The following P4HA1 variants were observed in gnomAD, a reference collection of about 807,000 sequenced individuals.
P4HA1 encodes prolyl 4-hydroxylase subunit alpha-1.
P4HA1 carries 24 observed loss-of-function variants against 72.8 expected under a neutral mutation model. That is an observed-to-expected ratio of 0.33 (90% CI 0.24 to 0.46). The LOEUF (loss-of-function observed/expected upper bound fraction) is 0.46, where lower values mean the gene tolerates loss of function less well. Among genes scored for constraint, P4HA1 ranks in the 20% least tolerant of loss-of-function variants. The pLI, the probability that P4HA1 is intolerant of heterozygous loss-of-function variation, is 1.00. For missense variants in P4HA1, 446 were observed against 640.6 expected (o/e 0.70, Z 3.28); for synonymous variants, 201 against 218.8 (o/e 0.92, Z 0.72).
At chr10:73,041,150 T>C (rs572399904) in intron 9 of P4HA1, among the ~76,000 whole-genome samples, 26 of 152,300 alleles carry the variant, frequency 1.7e-4, no homozygotes, top group African/African-American at 6.3e-4. Context: ...TGTCTTCTAA[T>C]GGGGTTCAGG....
At chr10:73,041,731 T>TC (rs1209467956) in intron 9 of P4HA1, among the ~76,000 whole-genome samples, 1 of 152,060 alleles carries the variant, frequency 6.6e-6, no homozygotes, top group African/African-American at 2.4e-5. Context: ...TTAGATCATA[T>TC]CCCCTTTGTT....
In P4HA1 at chr10:73,047,070, C is replaced by T. The variant is rs761463646; in HGVS notation, c.932G>A (p.Arg311His). The T allele has an allele frequency of 3.1e-6, 5 of 1,613,364 alleles. No homozygotes were observed. Among genetic ancestry groups the T allele is most frequent in the African/African-American group, 1.3e-5 (1 of 74,956 alleles). The change falls in exon 8 of 15, where the codon CGC becomes CAC. Residue 311 changes from arginine to histidine, a missense_variant. Physicochemically the swap from Arg to His is conservative, Grantham distance 29 (BLOSUM62 0). Transcript: ENST00000394890. ...TPRRQKKLFC[R>H]YHDGNRNPKF... ...AGGATTACGGTTTCCATCATGGTAG[C>T]GGCAAAAGAGTTTTTTCTGTCTCCG... is the stretch of plus-strand genomic sequence containing the variant.
At chr10:73,017,864 C>T (rs1840044742) in intron 10 of P4HA1, among the ~76,000 whole-genome samples, 1 of 152,172 alleles carries the variant, frequency 6.6e-6, no homozygotes, top group Non-Finnish European at 1.5e-5. Context: ...TTAACTCTTT[C>T]CCTCAATCAC....
At chr10:73,034,773 G>A (rs1840530146) in intron 9 of P4HA1, among the ~76,000 whole-genome samples, 1 of 151,702 alleles carries the variant, frequency 6.6e-6, no homozygotes, top group African/African-American at 2.4e-5. Context: ...TAGAGACGGG[G>A]TTTCATCATG....
At chr10:73,050,556 C>A (rs543738000) in intron 7 of P4HA1, among the ~76,000 whole-genome samples, 2 of 151,776 alleles carry the variant, frequency 1.3e-5, no homozygotes, top group Non-Finnish European at 2.9e-5. Context: ...AAAAATTAGC[C>A]GGGTATGGTG....
rs751516100 is a variant in P4HA1, at chr10:73,047,100, G to T, written c.902C>A (p.Thr301Asn). The T allele has an allele frequency of 1.7e-5, 27 of 1,603,594 alleles. No homozygotes were observed. Among genetic ancestry groups the T allele is most frequent in the Non-Finnish European group, 2.1e-5 (25 of 1,170,996 alleles). Residue 301 changes from threonine (T) to asparagine (N), a missense_variant and splice_region_variant, in exon 8 of 15, where the codon ACC becomes AAC. Thr to Asn is a moderately conservative substitution (Grantham distance 65). Transcript: ENST00000394890. ...MLCRGEGIKM[T>N]PRRQKKLFCR... ...AAAGAGTTTTTTCTGTCTCCGAGGG[G>T]TCTAAACATAAAGTTAAGAATATGA...
At chr10:73,040,682 G>A (rs191149917) in intron 9 of P4HA1, among the ~76,000 whole-genome samples, 104 of 151,902 alleles carry the variant, frequency 6.8e-4, no homozygotes, top group African/African-American at 2.3e-3. Context: ...CCATGTTTGT[G>A]AGGATGGTCT....
intron 5 of P4HA1, among the ~76,000 whole-genome samples, chr10:73,058,851 T>C (rs1018898202): frequency 1.3e-5 from 2 of 149,372 alleles, no homozygotes; most frequent in African/African-American, 5.0e-5. Context: ...GATGGCTCAC[T>C]GCAACCTCCG....
intron 5 of P4HA1, among the ~76,000 whole-genome samples, chr10:73,058,815 T>C (rs1841226324): frequency 6.7e-6 from 1 of 149,440 alleles, no homozygotes; most frequent in African/African-American, 2.5e-5. Flanking sequence ...CTCACTCTGT[T>C]GCCCAGGCTA....
At position 73,053,638 on chromosome 10, in the gene P4HA1, GTATT is replaced by G. The variant is rs150157565; in HGVS notation, c.464-52_464-49del. ...ACTTTAGGAATCTTAACACTACTGT[GTATT>G]TATTTAGGACTACACAGCTTTCAAA... On this transcript the variant is annotated intron_variant, in intron 5 of 14. Coordinates refer to ENST00000394890, the MANE Select transcript of P4HA1 (RefSeq NM_001017962.3). 0.011 allele frequency: 16,496 copies of G among 1,542,338 alleles called. 738 individuals carry two copies. The African/African-American group carries it at 0.13, about 12-fold the overall frequency.
At chr10:73,082,273 G>A (rs1841841549) in intron 1 of P4HA1, among the ~76,000 whole-genome samples, 1 of 152,108 alleles carries the variant, frequency 6.6e-6, no homozygotes, top group South Asian at 2.1e-4. Flanking sequence ...AAGTCAAGGA[G>A]CATCTATATT....
chr10:73,088,765 C>T (rs1841970834), intron 1 of P4HA1, among the ~76,000 whole-genome samples: 1 of 152,212 alleles, frequency 6.6e-6, no homozygotes, highest in Non-Finnish European at 1.5e-5. Context: ...TCCAGACTAT[C>T]CTCTGTTGAA....
At chr10:73,039,408 G>A (rs1267264333) in intron 9 of P4HA1, among the ~76,000 whole-genome samples, 1 of 152,076 alleles carries the variant, frequency 6.6e-6, no homozygotes, top group African/African-American at 2.4e-5. Flanking sequence ...CTGGGTTCCT[G>A]CCGTTCTCCT....
At chr10:73,050,632 G>A (rs1463045558) in intron 7 of P4HA1, among the ~76,000 whole-genome samples, 6 of 151,568 alleles carry the variant, frequency 4.0e-5, no homozygotes, top group Middle Eastern at 3.4e-3. Flanking sequence ...CCCAAGAGGC[G>A]GAATTTGCAG....
intron 1 of P4HA1, among the ~76,000 whole-genome samples, chr10:73,080,721 G>GT (rs1841803172): frequency 6.6e-6 from 1 of 152,128 alleles, no homozygotes. Context: ...GAGGTCAGGA[G>GT]TTTGAGACCA....
intron 5 of P4HA1, among the ~76,000 whole-genome samples, chr10:73,065,770 A>C (rs1841406499): frequency 6.6e-6 from 1 of 152,200 alleles, no homozygotes; most frequent in South Asian, 2.1e-4. Flanking sequence ...GGCCACAAAA[A>C]GAAATCAACA....
Position 73,044,998 on chromosome 10 carries a change from A to G in P4HA1, c.1131T>C (p.His377=), listed in dbSNP as rs376011129. 34 of 1,613,466 alleles carry G rather than the reference A, an allele frequency of 2.1e-5. No homozygotes were observed. The African/African-American group carries it at 3.7e-4, about 18-fold the overall frequency. The change falls in exon 9 of 15, where the codon CAT becomes CAC. Residue 377 remains histidine (H), a synonymous_variant. Coordinates refer to ENST00000394890, the MANE Select transcript of P4HA1 (RefSeq NM_001017962.3). The part of the protein sequence containing the change: ...NPITGDLETV[H]YRISKSAWLS... ...TCTCTTACCTTTTGCTAATTCTGTA[A>G]TGTACCGTCTCCAAGTCTCCTGTTA...
intron 7 of P4HA1, 50 bp from the exon 8 acceptor site, chr10:73,047,151 T>A (rs201206782): frequency 8.2e-7 from 1 of 1,221,142 alleles, no homozygotes; most frequent in Admixed American, 1.8e-5. Context: ...AATAATACTT[T>A]TAATATCTAT....
chr10:73,018,047 T>C (rs754562534), intron 10 of P4HA1, among the ~76,000 whole-genome samples: 4 of 152,122 alleles, frequency 2.6e-5, no homozygotes, highest in Non-Finnish European at 5.9e-5. Flanking sequence ...GAAGGCCTAC[T>C]TGAAGGCCTG....
Sources: allele counts gnomAD v4.1 joint callset (sites outside exome capture counted in the v4.1 genomes callset), GRCh38; gene constraint gnomAD v4.1.1; transcripts MANE v1.5; gene names NCBI Gene and HGNC (gene_info 2026-07-23, HGNC 2026-07-21).